TECTA: variants seen among roughly 807,000 people sequenced by gnomAD.
TECTA encodes the protein alpha-tectorin.
TECTA carries 128 observed loss-of-function variants against 216.8 expected under a neutral mutation model. That is an observed-to-expected ratio of 0.59 (90% CI 0.51 to 0.68). The LOEUF is 0.68. Among genes scored for constraint, TECTA ranks in the 30% least tolerant of loss-of-function variants. The pLI is 0.00. For synonymous variants in TECTA, 1,089 were observed against 1,117.1 expected (o/e 0.97, Z 0.50); for missense variants, 2,551 against 2,786.2 (o/e 0.92, Z 1.90).
At position 121,113,549 on chromosome 11, in the gene TECTA, G is replaced by T. The variant is rs142007879; in HGVS notation, c.625-4G>T. 388 of 1,614,014 alleles carry T rather than the reference G, an allele frequency of 2.4e-4. 1 individual carries two copies. The African/African-American group carries it at 4.5e-3, about 19-fold the overall frequency. On this transcript the variant is annotated splice_region_variant and splice_polypyrimidine_tract_variant and intron_variant, in intron 5 of 23. Coordinates refer to ENST00000392793, the MANE Select transcript of TECTA (RefSeq NM_005422.4). The surrounding 1 kb of genome is among the most constrained non-coding windows in gnomAD (Gnocchi z 4.2). The stretch of plus-strand genomic sequence containing the variant: ...AAAAATCTTGTCTTCCTTTTGTGCT[G>T]CAGGCAGGATTTAATGGTGGAAACC...
chr11:121,167,973 C>A, intron 18 of TECTA, 81 bp from the exon 19 acceptor site: 1 of 1,539,164 alleles, frequency 6.5e-7, no homozygotes, highest in Non-Finnish European at 9.0e-7. Flanking sequence ...CATTTCTCCA[C>A]TTTCAGGGAT....
chr11:121,107,684 T>A (rs1247622185), intron 3 of TECTA, among the ~76,000 whole-genome samples: 3 of 152,240 alleles, frequency 2.0e-5, no homozygotes, highest in African/African-American at 7.2e-5. Flanking sequence ...CAGGGTTAAA[T>A]CAGTTTATCT....
chr11:121,142,337 C>G (rs1946792329), intron 11 of TECTA, among the ~76,000 whole-genome samples: 1 of 152,130 alleles, frequency 6.6e-6, no homozygotes. Flanking sequence ...TTCCTCTGAC[C>G]TCCTGCCTCT....
chr11:121,107,816 C>T (rs750143128), intron 3 of TECTA, among the ~76,000 whole-genome samples: 20 of 152,114 alleles, frequency 1.3e-4, no homozygotes, highest in Non-Finnish European at 2.9e-4. Context: ...GTTTACTAAG[C>T]CATTTACAAA....
chr11:121,125,908 T>C (rs1351471117), intron 8 of TECTA, 36 bp downstream of exon 8: 1 of 1,597,662 alleles, frequency 6.3e-7, no homozygotes, highest in South Asian at 1.1e-5. Flanking sequence ...CAGGTCTCTC[T>C]TGTGCAGGGG....
chr11:121,101,902 T>C (rs900548683), intron 1 of TECTA, among the ~76,000 whole-genome samples: 1 of 152,242 alleles, frequency 6.6e-6, no homozygotes, highest in Admixed American at 6.5e-5. Context: ...AAAGCCACCA[T>C]GCAACCGATT....
At position 121,137,508 on chromosome 11, in the gene TECTA, T is replaced by A. The variant is rs1398520201; in HGVS notation, c.3029T>A (p.Val1010Glu). Residue 1010 changes from valine (V) to glutamate (E), a missense_variant, in exon 11 of 24, where the codon GTG becomes GAG. By Grantham distance (121) the Val-to-Glu change is moderately radical (BLOSUM62 -2). Around this residue, in one of 3 missense-constraint regions of TECTA, gnomAD observed 2,375 missense variants for 2,563.9 expected, o/e 0.93. Coordinates refer to ENST00000392793, the MANE Select transcript of TECTA (RefSeq NM_005422.4). The part of the protein sequence containing the change: ...CETLTLGPIC[V>E]DSCSEGCQCD... ...ACCCTTACCCTGGGCCCCATCTGCG[T>A]GGATAGCTGCTCTGAGGGATGTCAG... 6.2e-7 allele frequency: 1 copy of A among 1,613,920 alleles called. No individual in the cohort carries two copies. Among genetic ancestry groups the A allele is most frequent in the African/African-American group, 1.3e-5 (1 of 74,962 alleles).
At chr11:121,143,147 C>T (rs1356414601) in intron 11 of TECTA, among the ~76,000 whole-genome samples, 1 of 152,188 alleles carries the variant, frequency 6.6e-6, no homozygotes, top group Non-Finnish European at 1.5e-5. Context: ...TTTTACAAAA[C>T]GAATGGGTGT....
At chr11:121,147,659 A>G (rs1946851519) in intron 12 of TECTA, among the ~76,000 whole-genome samples, 1 of 152,212 alleles carries the variant, frequency 6.6e-6, no homozygotes, top group Admixed American at 6.5e-5. Flanking sequence ...CAGAAAACCC[A>G]GCTTTGGACG....
chr11:121,109,335 G>A lies in TECTA; in HGVS notation c.323G>A (p.Arg108Gln), dbSNP rs754685187. The change falls in exon 4 of 24, where the codon CGA becomes CAA. Residue 108 changes from arginine (R) to glutamine (Q), a missense_variant. Transcript: ENST00000392793. ...PFWADVHNGI[R>Q]GEIYYRETME... ...TGGGCAGATGTGCACAATGGAATTC[G>A]AGGCGAGATCTATTACAGAGAGACC... 4 of 1,614,122 alleles carry A rather than the reference G, an allele frequency of 2.5e-6. No homozygotes were observed. Among genetic ancestry groups the A allele is most frequent in the Non-Finnish European group, 3.4e-6 (4 of 1,180,016 alleles).
chr11:121,132,515 G>A (rs11218153), intron 10 of TECTA, among the ~76,000 whole-genome samples: 41,910 of 151,994 alleles, frequency 0.28, 6,019 homozygotes, highest in East Asian at 0.43. Context: ...AGGTGTGCCC[G>A]TTCTTCCTAG....
At chr11:121,132,934 A>G (rs1354871222) in intron 10 of TECTA, among the ~76,000 whole-genome samples, 1 of 152,108 alleles carries the variant, frequency 6.6e-6, no homozygotes, top group Non-Finnish European at 1.5e-5. Flanking sequence ...GGGTTTCACC[A>G]TCTTGGCCAG....
chr11:121,160,566 C>A, intron 15 of TECTA, 145 bp downstream of exon 15: 1 of 1,176,320 alleles, frequency 8.5e-7, no homozygotes. Flanking sequence ...AGTTTTGATG[C>A]TAAAAATAGG....
At chr11:121,148,155 G>C (rs1026353431) in intron 12 of TECTA, among the ~76,000 whole-genome samples, 1 of 152,114 alleles carries the variant, frequency 6.6e-6, no homozygotes, top group Admixed American at 6.5e-5. Context: ...TCTACTCATG[G>C]CACCCAGAGC....
In TECTA at chr11:121,145,738, C is replaced by T. The variant is rs140869937; in HGVS notation, c.3727C>T (p.Arg1243Cys). 26 of 1,614,062 alleles carry T rather than the reference C, an allele frequency of 1.6e-5. No individual in the cohort carries two copies. Among genetic ancestry groups the T allele is most frequent in the African/African-American group, 6.7e-5 (5 of 74,928 alleles). The change falls in exon 12 of 24, where the codon CGC becomes TGC. Residue 1243 changes from arginine to cysteine, a missense_variant. Physicochemically the swap from Arg to Cys is radical, Grantham distance 180 (BLOSUM62 -3). This residue lies in a region of TECTA where 2,375 missense variants were observed against 2,563.9 expected (regional missense o/e 0.93). Transcript: ENST00000392793. ...GAACAGCACCTATGGTCTGTGTGGC[C>T]GCTACAACGGCAACCCTGATGATGA... ...MQNSTYGLCG[R>C]YNGNPDDDLE...
At chr11:121,179,284 A>G (rs1390642123) in intron 20 of TECTA, among the ~76,000 whole-genome samples, 1 of 152,092 alleles carries the variant, frequency 6.6e-6, no homozygotes, top group South Asian at 2.1e-4. Flanking sequence ...TAATTTATTC[A>G]TTGACCCAGT....
chr11:121,138,383 C>A (rs1946752526), intron 11 of TECTA, among the ~76,000 whole-genome samples: 1 of 152,188 alleles, frequency 6.6e-6, no homozygotes, highest in Non-Finnish European at 1.5e-5. Flanking sequence ...CTAGCTTGGC[C>A]ACTCCATCTG....
At position 121,162,308 on chromosome 11, in the gene TECTA, A is replaced by T. The variant is rs755466561; in HGVS notation, c.5210A>T (p.Tyr1737Phe). ...CAGCTGTGCGGCTCCCTGGCCGCCT[A>T]CGGGGAGGCCTGCCGCTCCTTCGGG... ...KFQLCGSLAA[Y>F]GEACRSFGIL... The change falls in exon 16 of 24, where the codon TAC becomes TTC. Residue 1737 changes from tyrosine to phenylalanine, a missense_variant. By Grantham distance (22) the Tyr-to-Phe change is conservative (BLOSUM62 3). This residue lies in a region of TECTA where 2,375 missense variants were observed against 2,563.9 expected (regional missense o/e 0.93). Transcript: ENST00000392793. The T allele has an allele frequency of 9.9e-6, 16 of 1,613,242 alleles. No individual in the cohort carries two copies. Among genetic ancestry groups the T allele is most frequent in the Non-Finnish European group, 1.4e-5 (16 of 1,180,040 alleles).
rs1201099234 is a variant in TECTA at position 121,166,578 on chromosome 11, A to G, written c.5384A>G (p.Asn1795Ser). The change falls in exon 18 of 24, where the codon AAC (asparagine) becomes AGC (serine). Residue 1795 changes from asparagine to serine, a missense_variant and splice_region_variant. Physicochemically the swap from Asn to Ser is conservative, Grantham distance 46. This residue lies in a region of TECTA where 2,375 missense variants were observed against 2,563.9 expected (regional missense o/e 0.93). Coordinates refer to ENST00000392793, the MANE Select transcript of TECTA (RefSeq NM_005422.4). ...CCTTTCGTAATAACTGTTCCCACAG[A>G]CTCACATGACATTATCGATGCAGAG... ...GCIEPPPYGN[N>S]SHDIIDAEVT... 1.2e-6 allele frequency: 2 copies of G among 1,614,020 alleles called. No individual in the cohort carries two copies. Among genetic ancestry groups the G allele is most frequent in the East Asian group, 2.2e-5 (1 of 44,900 alleles).
Sources: gnomAD v4.1 joint callset for allele counts (sites outside exome capture counted in the v4.1 genomes callset) on GRCh38, gnomAD v4.1.1 for gene constraint, gnomAD v4.1.1 regional missense constraint, Gnocchi (gnomAD v3.1) non-coding constraint, MANE v1.5 for transcripts, NCBI Gene and HGNC (gene_info 2026-07-23, HGNC 2026-07-21) for gene names.